The following ARHGAP35 variants were observed in gnomAD, a reference collection of about 807,000 sequenced individuals.
ARHGAP35 encodes Rho GTPase activating protein 35.
Under a neutral mutation model 111.1 loss-of-function variants are expected in ARHGAP35, and 15 were observed. The observed-to-expected ratio is 0.13, with a 90% CI of 0.09 to 0.21. The LOEUF (loss-of-function observed/expected upper bound fraction) is 0.21, where lower values mean the gene tolerates loss of function less well. Ranked by LOEUF, ARHGAP35 falls within the 10% of genes least tolerant of loss-of-function variation. The probability of loss-of-function intolerance (pLI) is 1.00; values close to 1 mark genes in which losing one functional copy is unlikely to be tolerated. For missense variants in ARHGAP35, 1,262 were observed against 1,873.0 expected (o/e 0.67, Z 6.02); for synonymous variants, 643 against 710.3 (o/e 0.91, Z 1.51).
intron 1 of ARHGAP35, among the ~76,000 whole-genome samples, chr19:46,876,404 C>G (rs891899619): frequency 6.6e-6 from 1 of 151,576 alleles, no homozygotes; most frequent in African/African-American, 2.4e-5. Context: ...GATGGAGTCT[C>G]ACTCTGTTGC....
intron 1 of ARHGAP35, among the ~76,000 whole-genome samples, chr19:46,891,333 T>C (rs2056022417): frequency 1.3e-5 from 2 of 152,094 alleles, no homozygotes; most frequent in Admixed American, 1.3e-4. Flanking sequence ...TCTACTTATG[T>C]GAATGGGGGA....
rs1018461173 is a variant in ARHGAP35, at chr19:47,002,918, G to C, written c.*2230G>C. ...GGGGGTGGTGAGGAGGAGCACCTGG[G>C]CTCTCTACCCCTCTCCTCACAGAAG... On this transcript the variant is annotated 3_prime_UTR_variant, in exon 7 of 7. Coordinates refer to ENST00000672722, the MANE Select transcript of ARHGAP35 (RefSeq NM_004491.5). The C allele has an allele frequency of 6.6e-6, 1 of 152,254 alleles. No individual in the cohort carries two copies. Among genetic ancestry groups the C allele is most frequent in the Non-Finnish European group, 1.5e-5 (1 of 68,072 alleles). 9.4% of individuals were successfully genotyped at this position (152,254 alleles called of 1,614,324 possible).
rs1568467481 is a variant in ARHGAP35 at position 46,919,843 on chromosome 19, G to A, written c.1168G>A (p.Ala390Thr). 1 of 1,614,020 alleles carries A rather than the reference G, an allele frequency of 6.2e-7. No homozygotes were observed. Among genetic ancestry groups the A allele is most frequent in the Admixed American group, 1.7e-5 (1 of 60,020 alleles). Residue 390 changes from alanine to threonine, a missense_variant, in exon 2 of 7, where the codon GCC (alanine) becomes ACC (threonine). By Grantham distance (58) the Ala-to-Thr change is moderately conservative. Around this residue, in one of 8 missense-constraint regions of ARHGAP35, gnomAD observed 328 missense variants for 440.8 expected, o/e 0.74. Coordinates refer to ENST00000672722, the MANE Select transcript of ARHGAP35 (RefSeq NM_004491.5). This position sits in a 1 kb window ranked among gnomAD's most constrained non-coding sequence, Gnocchi z 6.2. The part of the protein sequence containing the change: ...FVVLEETPWD[A>T]TSHIDNMENE... ...TGTGCTTGAAGAGACCCCATGGGAT[G>A]CCACCAGTCACATTGACAACATGGA...
chr19:47,000,188 G>A lies in ARHGAP35; in HGVS notation c.4143-143G>A, dbSNP rs2056738416. ...AGGGCGCAGCCTCCCAGGCAGGGCA[G>A]GGTACAGAGAGCTGCGCATGGCCTT... On this transcript the variant is annotated intron_variant, in intron 6 of 6. Coordinates refer to ENST00000672722, the MANE Select transcript of ARHGAP35 (RefSeq NM_004491.5). This position sits in a 1 kb window ranked among gnomAD's most constrained non-coding sequence, Gnocchi z 6.9. The A allele has an allele frequency of 2.3e-6, 2 of 858,650 alleles. No individual in the cohort carries two copies. Among genetic ancestry groups the A allele is most frequent in the African/African-American group, 1.7e-5 (1 of 58,980 alleles). 53.2% of individuals were successfully genotyped at this position (858,650 alleles called of 1,614,324 possible).
intron 3 of ARHGAP35, among the ~76,000 whole-genome samples, chr19:46,958,149 C>G (rs777740788): frequency 1.6e-4 from 25 of 152,244 alleles, no homozygotes; most frequent in Non-Finnish European, 1.5e-4. Context: ...TTTGGGAGGC[C>G]GAGGCGGGCG....
chr19:46,982,755 G>A (rs2056627660), intron 3 of ARHGAP35, among the ~76,000 whole-genome samples: 1 of 151,892 alleles, frequency 6.6e-6, no homozygotes, highest in African/African-American at 2.4e-5. Context: ...TAGAAATGCA[G>A]ATTTTGAGGC....
chr19:46,983,631 T>TG (rs1210416646), intron 3 of ARHGAP35, among the ~76,000 whole-genome samples: 6 of 146,936 alleles, frequency 4.1e-5, no homozygotes, highest in Admixed American at 4.1e-4. Flanking sequence ...TTTTTTTTTT[T>TG]GAGACAGAGT....
At chr19:46,962,845 C>G (rs2056492509) in intron 3 of ARHGAP35, among the ~76,000 whole-genome samples, 1 of 152,146 alleles carries the variant, frequency 6.6e-6, no homozygotes, top group Non-Finnish European at 1.5e-5. Flanking sequence ...AACTCCTGAC[C>G]TCAGGTGATC....
At chr19:46,991,959 C>A (rs905341033) in intron 5 of ARHGAP35, among the ~76,000 whole-genome samples, 4 of 152,242 alleles carry the variant, frequency 2.6e-5, no homozygotes, top group African/African-American at 7.2e-5. Flanking sequence ...ATATCAAGGT[C>A]ACTAGCAAAT....
rs765361920 is a variant in ARHGAP35, at chr19:46,918,820, G to A, written c.145G>A (p.Glu49Lys). 3 of 1,613,824 alleles carry A rather than the reference G, an allele frequency of 1.9e-6. No homozygotes were observed. The highest frequency in any genetic ancestry group is 2.2e-5 in the South Asian group (2 of 91,076). The change falls in exon 2 of 7, where the codon GAG (glutamate) becomes AAG (lysine). Residue 49 changes from glutamate (E) to lysine (K), a missense_variant. This residue lies in a region of ARHGAP35 where 125 missense variants were observed against 301.7 expected (regional missense o/e 0.41). Coordinates refer to ENST00000672722, the MANE Select transcript of ARHGAP35 (RefSeq NM_004491.5). The surrounding 1 kb of genome is among the most constrained non-coding windows in gnomAD (Gnocchi z 5.4). ...CCGCTTCGTGCGCCCGAGTGCTGAC[G>A]AGTTTCACTTGGACCATACCTCCGT... is the stretch of plus-strand genomic sequence containing the variant. ...CNRFVRPSAD[E>K]FHLDHTSVLS...
Position 46,989,285 on chromosome 19 carries a change from C to T in ARHGAP35, c.3905-259C>T. 2.8e-6 allele frequency: 1 copy of T among 363,216 alleles called. No homozygotes were observed. The highest frequency in any genetic ancestry group is 5.2e-6 in the Non-Finnish European group (1 of 191,230). 22.5% of individuals were successfully genotyped at this position (363,216 alleles called of 1,614,324 possible). A position where few individuals can be genotyped will look rare whatever the true frequency, so the allele number is the denominator to read the frequency against. ...GCAAGCTCCTGGCACCAAAAACCAG[C>T]ATGTGGGGGTAGCACCCCTGCCCCG... On this transcript the variant is annotated intron_variant, in intron 4 of 6. Coordinates refer to ENST00000672722, the MANE Select transcript of ARHGAP35 (RefSeq NM_004491.5). The surrounding 1 kb of genome is among the most constrained non-coding windows in gnomAD (Gnocchi z 5.3).
chr19:46,883,181 G>A (rs964484824), intron 1 of ARHGAP35, among the ~76,000 whole-genome samples: 5 of 151,684 alleles, frequency 3.3e-5, no homozygotes, highest in South Asian at 2.1e-4. Context: ...TGCAACCTCC[G>A]CCTCCGAGGT....
At chr19:46,984,679 G>A (rs2056639326) in intron 3 of ARHGAP35, among the ~76,000 whole-genome samples, 1 of 152,180 alleles carries the variant, frequency 6.6e-6, no homozygotes, top group South Asian at 2.1e-4. Context: ...ATAAACATGT[G>A]CCCAGATGAC....
rs1464206123 is a variant in ARHGAP35 at position 47,002,017 on chromosome 19, AC to A, written c.*1332del. The A allele has an allele frequency of 6.6e-6, 1 of 152,670 alleles. No individual in the cohort carries two copies. Among genetic ancestry groups the A allele is most frequent in the Non-Finnish European group, 1.5e-5 (1 of 68,406 alleles). The allele number at this position is 152,670 out of a possible 1,614,324, so 9.5% of individuals were successfully genotyped here. ...CTGTGCCTGCATATCATCCACCACCACCCTAGCCCAGCCTTCCCACTGCCCC... is the reference window on the plus strand; with the variant it reads ...CTGTGCCTGCATATCATCCACCACCACCTAGCCCAGCCTTCCCACTGCCCC... On this transcript the variant is annotated 3_prime_UTR_variant, in exon 7 of 7. Coordinates refer to ENST00000672722, the MANE Select transcript of ARHGAP35 (RefSeq NM_004491.5).
Position 46,920,314 on chromosome 19 carries a change from C to T in ARHGAP35, c.1639C>T (p.His547Tyr). 3.1e-6 allele frequency: 5 copies of T among 1,613,982 alleles called. No homozygotes were observed. The African/African-American group carries it at 6.7e-5, about 22-fold the overall frequency. Residue 547 changes from histidine to tyrosine, a missense_variant, in exon 2 of 7, where the codon CAC (histidine) becomes TAC (tyrosine). This residue lies in a region of ARHGAP35 where 328 missense variants were observed against 440.8 expected (regional missense o/e 0.74). Coordinates refer to ENST00000672722, the MANE Select transcript of ARHGAP35 (RefSeq NM_004491.5). This position sits in a 1 kb window ranked among gnomAD's most constrained non-coding sequence, Gnocchi z 7.0. ...QAERDALILK[H>Y]IHFVYHPTKE... is the part of the protein sequence containing the mutation. ...AGAGCGTGATGCCCTTATTCTGAAA[C>T]ACATTCATTTTGTGTACCACCCAAC...
At chr19:46,942,185 A>C (rs112248977) in intron 3 of ARHGAP35, among the ~76,000 whole-genome samples, 60 of 152,314 alleles carry the variant, frequency 3.9e-4, no homozygotes, top group Non-Finnish European at 7.8e-4. Context: ...GAACTCAAAG[A>C]TTCGTGATCT....
At chr19:46,879,236 T>G (rs118084160) in intron 1 of ARHGAP35, among the ~76,000 whole-genome samples, 1,735 of 152,182 alleles carry the variant, frequency 0.011, 82 homozygotes, top group East Asian at 0.1. Flanking sequence ...GGTGACCTCA[T>G]CTGAGGTCAG....
At chr19:46,905,572 C>G (rs2056103497) in intron 1 of ARHGAP35, among the ~76,000 whole-genome samples, 2 of 142,194 alleles carry the variant, frequency 1.4e-5, no homozygotes, top group Non-Finnish European at 1.5e-5. Context: ...CCCCCCAAGA[C>G]AGAGTCTTAC....
intron 2 of ARHGAP35, among the ~76,000 whole-genome samples, chr19:46,931,439 G>C (rs923885820): frequency 2.0e-5 from 3 of 152,132 alleles, no homozygotes; most frequent in Non-Finnish European, 4.4e-5. Context: ...AGCAGAGGCA[G>C]TGACAGATGC....
Sources: gnomAD v4.1 joint callset for allele counts (sites outside exome capture counted in the v4.1 genomes callset) on GRCh38, gnomAD v4.1.1 for gene constraint, gnomAD v4.1.1 regional missense constraint, Gnocchi (gnomAD v3.1) non-coding constraint, MANE v1.5 for transcripts, NCBI Gene and HGNC (gene_info 2026-07-23, HGNC 2026-07-21) for gene names.